CEP290: variants seen among roughly 807,000 people sequenced by gnomAD.
CEP290 encodes the protein centrosomal protein 290, also known as centrosomal protein of 290 kDa.
A neutral mutation model predicts 344.9 loss-of-function variants in CEP290; 317 were observed. The observed-to-expected ratio is 0.92, with a 90% CI of 0.84 to 1.01. The LOEUF (loss-of-function observed/expected upper bound fraction) is 1.01, where lower values mean the gene tolerates loss of function less well. CEP290 is among the 50% of genes least tolerant of loss of function. The pLI is 0.00. For synonymous variants in CEP290, 932 were observed against 895.8 expected (o/e 1.04, Z -0.72); for missense variants, 2,754 against 2,761.4 (o/e 1.00, Z 0.06).
Position 88,128,992 on chromosome 12 carries a change from T to A in CEP290, c.896A>T (p.Asp299Val). 2 of 1,540,222 alleles carry A rather than the reference T, an allele frequency of 1.3e-6. No individual in the cohort carries two copies. Among genetic ancestry groups the A allele is most frequent in the Non-Finnish European group, 1.7e-6 (2 of 1,153,412 alleles). Residue 299 changes from aspartate to valine, a missense_variant, in exon 11 of 54, where the codon GAT becomes GTT. Transcript: ENST00000552810. The part of the protein sequence containing the change: ...TDLLKSKNEE[D>V]DPIMVAVNAK... ...ATTGACAGCTACCATAATTGGATCA[T>A]CTTCTTCATTTTTTGATTTCAGAAG... is the stretch of plus-strand genomic sequence containing the variant.
chr12:88,086,321 A>G, intron 33 of CEP290, 70 bp downstream of exon 33: 2 of 1,437,562 alleles, frequency 1.4e-6, no homozygotes, highest in Non-Finnish European at 1.9e-6. Flanking sequence ...CATCTGATAC[A>G]GGAAATATTT....
At chr12:88,051,301 C>T (rs763091236) in intron 52 of CEP290, among the ~76,000 whole-genome samples, 1 of 150,076 alleles carries the variant, frequency 6.7e-6, no homozygotes, top group Middle Eastern at 3.2e-3. Flanking sequence ...CAGGTTAAAG[C>T]GATTCTCCTG....
At chr12:88,061,673 A>G (rs2034490720) in intron 46 of CEP290, among the ~76,000 whole-genome samples, 1 of 152,194 alleles carries the variant, frequency 6.6e-6, no homozygotes, top group Non-Finnish European at 1.5e-5. Context: ...TCATTTTAGT[A>G]TGCACTTTCA....
At chr12:88,110,367 A>C (rs570441388) in intron 22 of CEP290, among the ~76,000 whole-genome samples, 4 of 152,246 alleles carry the variant, frequency 2.6e-5, no homozygotes, top group Non-Finnish European at 5.9e-5. Context: ...GTAGATTAAC[A>C]TTTTATTGCG....
intron 13 of CEP290, among the ~76,000 whole-genome samples, chr12:88,123,504 C>A (rs7294497): frequency 6.6e-6 from 1 of 151,906 alleles, no homozygotes; most frequent in African/African-American, 2.4e-5. Flanking sequence ...TTTCTTCTTC[C>A]TTGGTTACAT....
chr12:88,139,266 T>C (rs1470407347), intron 4 of CEP290, 75 bp from the exon 5 acceptor site: 2 of 662,866 alleles, frequency 3.0e-6, no homozygotes, highest in Non-Finnish European at 4.8e-6. Flanking sequence ...TAAATTTCAA[T>C]AACAAAATTA....
At chr12:88,054,675 G>A (rs369451641) in intron 50 of CEP290, among the ~76,000 whole-genome samples, 8 of 152,256 alleles carry the variant, frequency 5.3e-5, no homozygotes, top group African/African-American at 1.9e-4. Flanking sequence ...TAGTGGGGAA[G>A]CACAAAGAAT....
chr12:88,065,285 A>G (rs574953267), intron 44 of CEP290, among the ~76,000 whole-genome samples: 68 of 152,244 alleles, frequency 4.5e-4, no homozygotes, highest in Admixed American at 1.1e-3. Flanking sequence ...AATACCTATT[A>G]TACACAACTT....
Position 88,086,501 on chromosome 12 carries a change from A to G in CEP290, c.4195-3T>C. 6.3e-7 allele frequency: 1 copy of G among 1,576,110 alleles called. No individual in the cohort carries two copies. Among genetic ancestry groups the G allele is most frequent in the Non-Finnish European group, 8.6e-7 (1 of 1,157,628 alleles). On this transcript the variant is annotated splice_region_variant and splice_polypyrimidine_tract_variant and intron_variant, in intron 32 of 53. Coordinates refer to ENST00000552810, the MANE Select transcript of CEP290 (RefSeq NM_025114.4). ...GCCATTTGTCTTTCTTCATGAAACT[A>G]AAAAAAGGACAATTTGTGTCAGACA...
At chr12:88,051,018 A>T (rs951373236) in intron 52 of CEP290, among the ~76,000 whole-genome samples, 3 of 152,044 alleles carry the variant, frequency 2.0e-5, no homozygotes, top group Non-Finnish European at 4.4e-5. Context: ...AACACCTCTA[A>T]CTTTATCAGC....
At chr12:88,093,562 T>A in intron 28 of CEP290, 1 of 484,270 alleles carries the variant, frequency 2.1e-6, no homozygotes, top group East Asian at 3.5e-5. Context: ...TCTAATAATA[T>A]AACATTGGTG....
At chr12:88,059,847 G>T (rs936195437) in intron 48 of CEP290, 51 bp downstream of exon 48, 2 of 1,448,996 alleles carry the variant, frequency 1.4e-6, no homozygotes, top group Non-Finnish European at 9.3e-7. Context: ...TTTCCAAGAG[G>T]TATTAAGTAA....
intron 18 of CEP290, among the ~76,000 whole-genome samples, chr12:88,116,421 A>G (rs1008129289): frequency 1.3e-5 from 2 of 152,234 alleles, no homozygotes; most frequent in South Asian, 4.1e-4. Flanking sequence ...TTCAGATAAC[A>G]TTCTTGATAA....
At chr12:88,075,029 G>A (rs926298582) in intron 41 of CEP290, among the ~76,000 whole-genome samples, 1 of 152,214 alleles carries the variant, frequency 6.6e-6, no homozygotes, top group Non-Finnish European at 1.5e-5. Context: ...GGCTGGGGAT[G>A]TGGGAACTTC....
In CEP290 at chr12:88,102,855, T is replaced by C. The variant is rs1265448566; in HGVS notation, c.2974A>G (p.Asn992Asp). 6 of 1,610,094 alleles carry C rather than the reference T, an allele frequency of 3.7e-6. No individual in the cohort carries two copies. In the Admixed American group the frequency reaches 1.0e-4, roughly 27 times the overall value. ...AAACTTACCTCCAGGTGTTCCAAGT[T>C]ACTTGTTCTTTGAACAAGCATATTA... The part of the protein sequence containing the change: ...KDNMLVQRTS[N>D]LEHLECENIS... The change falls in exon 26 of 54, where the codon AAC becomes GAC. Residue 992 changes from asparagine (N) to aspartate (D), a missense_variant. Physicochemically the swap from Asn to Asp is conservative, Grantham distance 23 (BLOSUM62 1). Coordinates refer to ENST00000552810, the MANE Select transcript of CEP290 (RefSeq NM_025114.4).
In CEP290 at chr12:88,107,003, T is replaced by C; in HGVS notation, c.2579A>G (p.Glu860Gly). 6.5e-7 allele frequency: 1 copy of C among 1,544,718 alleles called. No individual in the cohort carries two copies. The highest frequency in any genetic ancestry group is 8.7e-7 in the Non-Finnish European group (1 of 1,143,594). ...QVQQDAIKVKEYNNLLNALQM... is the reference protein window; with the variant it reads ...QVQQDAIKVKGYNNLLNALQM... The stretch of plus-strand genomic sequence containing the variant: ...TAAAAATGTTTTACTTACATTATAT[T>C]CTTTTACTTTTATAGCATCTTGTTG... The change falls in exon 24 of 54, where the codon GAA (glutamate) becomes GGA (glycine). Residue 860 changes from glutamate to glycine, a missense_variant. Physicochemically the swap from Glu to Gly is moderately conservative, Grantham distance 98. Transcript: ENST00000552810.
intron 27 of CEP290, 22 bp downstream of exon 27, chr12:88,096,866 T>C: frequency 1.8e-6 from 2 of 1,133,948 alleles, no homozygotes; most frequent in East Asian, 2.6e-5. Context: ...TCATTTTATA[T>C]TATCAGAGTC....
chr12:88,086,268 C>G (rs2036566660), intron 33 of CEP290, 95 bp from the exon 34 acceptor site: 7 of 1,472,808 alleles, frequency 4.8e-6, no homozygotes, highest in Admixed American at 2.3e-5. Context: ...AGATTAAACC[C>G]CTCTTATATT....
chr12:88,060,995 C>T lies in CEP290; in HGVS notation c.6358-1G>A, dbSNP rs766670248. 9 of 1,539,156 alleles carry T rather than the reference C, an allele frequency of 5.8e-6. No individual in the cohort carries two copies. In the East Asian group the frequency reaches 2.1e-4, roughly 36 times the overall value. On this transcript the variant is annotated splice_acceptor_variant, in intron 46 of 53. Transcript: ENST00000552810. LOFTEE classifies it high-confidence loss of function. ...GGATTGTCTTTCCACTTCTACCAGA[C>T]TACGAAAGAATATGTTAAATCTTTA...
Sources: allele counts gnomAD v4.1 joint callset (sites outside exome capture counted in the v4.1 genomes callset), GRCh38; gene constraint gnomAD v4.1.1; transcripts MANE v1.5; gene names NCBI Gene and HGNC (gene_info 2026-07-23, HGNC 2026-07-21).